The following CEP112 variants were observed in gnomAD, a reference collection of about 807,000 sequenced individuals.
CEP112 encodes the protein centrosomal protein of 112 kDa.
A neutral mutation model predicts 153.0 loss-of-function variants in CEP112; 127 were observed. The ratio of observed to expected loss-of-function variants is 0.83; its 90% CI spans 0.72 to 0.96. The LOEUF (loss-of-function observed/expected upper bound fraction) is 0.96. Among genes scored for constraint, CEP112 ranks in the 40% least tolerant of loss-of-function variants. The probability of loss-of-function intolerance (pLI) is 0.00; values close to 1 mark genes in which losing one functional copy is unlikely to be tolerated. For missense variants in CEP112, 1,089 were observed against 1,101.2 expected (o/e 0.99, Z 0.16); for synonymous variants, 358 against 374.4 (o/e 0.96, Z 0.51).
At chr17:66,156,604 C>T (rs1436738669) in intron 4 of CEP112, among the ~76,000 whole-genome samples, 1 of 152,076 alleles carries the variant, frequency 6.6e-6, no homozygotes, top group African/African-American at 2.4e-5. Context: ...GGAGCATGTT[C>T]TAACCCAATG....
At chr17:65,667,323 C>A (rs1005475417) in intron 24 of CEP112, among the ~76,000 whole-genome samples, 1 of 152,084 alleles carries the variant, frequency 6.6e-6, no homozygotes, top group African/African-American at 2.4e-5. Context: ...GTTGAACAAG[C>A]TTGGGAGAAT....
chr17:66,145,734 G>A (rs1442078556), intron 4 of CEP112, among the ~76,000 whole-genome samples: 1 of 151,954 alleles, frequency 6.6e-6, no homozygotes, highest in Non-Finnish European at 1.5e-5. Flanking sequence ...TTGATTTTAA[G>A]CCTAAAAATC....
intron 17 of CEP112, among the ~76,000 whole-genome samples, chr17:65,972,663 A>C (rs905929800): frequency 1.3e-5 from 2 of 152,252 alleles, no homozygotes; most frequent in African/African-American, 4.8e-5. Context: ...GAAACAATAC[A>C]AATTATCAAT....
chr17:66,121,649 T>C (rs1336562885), intron 6 of CEP112, among the ~76,000 whole-genome samples: 2 of 152,088 alleles, frequency 1.3e-5, no homozygotes, highest in Non-Finnish European at 2.9e-5. Flanking sequence ...CTATGGTGAA[T>C]TTTTCACTTC....
chr17:65,754,602 C>T (rs1479762922), intron 21 of CEP112, among the ~76,000 whole-genome samples: 3 of 147,264 alleles, frequency 2.0e-5, no homozygotes, highest in Non-Finnish European at 4.4e-5. Context: ...AAGCTTCTGT[C>T]GCAAAAAATA....
chr17:66,076,777 A>G (rs936877378), intron 8 of CEP112, among the ~76,000 whole-genome samples: 2 of 152,204 alleles, frequency 1.3e-5, no homozygotes, highest in African/African-American at 4.8e-5. Context: ...GTAAACCACT[A>G]AAGCTAAGAA....
chr17:66,096,683 T>C (rs755762713), intron 6 of CEP112, 51 bp from the exon 7 acceptor site: 2 of 1,148,602 alleles, frequency 1.7e-6, no homozygotes, highest in Non-Finnish European at 2.5e-6. Context: ...TTTGGAGTTT[T>C]AATTATTATT....
At chr17:65,842,877 C>A (rs2057574760) in intron 21 of CEP112, among the ~76,000 whole-genome samples, 1 of 151,794 alleles carries the variant, frequency 6.6e-6, no homozygotes, top group African/African-American at 2.4e-5. Context: ...TTTAATTATG[C>A]CAATAATTAT....
chr17:65,789,105 T>C (rs899146721), intron 21 of CEP112, among the ~76,000 whole-genome samples: 5 of 152,206 alleles, frequency 3.3e-5, no homozygotes, highest in African/African-American at 9.6e-5. Context: ...CTCTGTGATG[T>C]CCCAAAGGCA....
chr17:66,079,217 A>C (rs1413217785), intron 8 of CEP112, among the ~76,000 whole-genome samples: 3 of 152,190 alleles, frequency 2.0e-5, no homozygotes, highest in African/African-American at 7.2e-5. Flanking sequence ...AAATGGGTGG[A>C]TCACCTGAGG....
At chr17:66,033,986 GA>G (rs2145762164) in intron 12 of CEP112, among the ~76,000 whole-genome samples, 1 of 152,130 alleles carries the variant, frequency 6.6e-6, no homozygotes, top group South Asian at 2.1e-4. Flanking sequence ...ATATTCACAG[GA>G]TGTGAGACCC....
At chr17:65,836,877 C>G (rs1203506642) in intron 21 of CEP112, among the ~76,000 whole-genome samples, 4 of 151,680 alleles carry the variant, frequency 2.6e-5, no homozygotes, top group African/African-American at 4.9e-5. Flanking sequence ...GTACTGCCGC[C>G]ATCTCGGCTC....
rs550538357 is a variant in CEP112 at position 65,910,146 on chromosome 17, G to A, written c.1981-7812C>T. ...CATTAATAAATTGTTAAAAGACAGA[G>A]CCAGTATCAGTTTCTCTGACAGAAG... On this transcript the variant is annotated intron_variant, in intron 19 of 26. Transcript: ENST00000535342. Among the ~76,000 whole-genome samples the A allele has an allele frequency of 5.3e-5, 8 of 152,222 alleles. 1 individual carries two copies. The highest frequency in any genetic ancestry group is 4.6e-4 in the Admixed American group (7 of 15,298).
chr17:65,881,887 G>A (rs567407733), intron 20 of CEP112, among the ~76,000 whole-genome samples: 4 of 152,308 alleles, frequency 2.6e-5, no homozygotes, highest in Admixed American at 2.6e-4. Flanking sequence ...AATTAAAACT[G>A]TGTAGGAATA....
chr17:65,661,639 G>A (rs1004060955), intron 24 of CEP112: 3 of 152,160 alleles, frequency 2.0e-5, no homozygotes, highest in Non-Finnish European at 2.9e-5. Flanking sequence ...GGAGATCAAC[G>A]TTATTTCAAA....
chr17:66,119,439 T>C (rs2069465738), intron 6 of CEP112, among the ~76,000 whole-genome samples: 1 of 152,208 alleles, frequency 6.6e-6, no homozygotes, highest in Non-Finnish European at 1.5e-5. Flanking sequence ...TTCTTATAGT[T>C]TTACCATTTC....
At chr17:66,052,870 G>T (rs1485459720) in intron 12 of CEP112, among the ~76,000 whole-genome samples, 1 of 152,208 alleles carries the variant, frequency 6.6e-6, no homozygotes, top group Non-Finnish European at 1.5e-5. Flanking sequence ...ACTTTGGGAG[G>T]CCAACGCGGG....
chr17:66,040,339 G>T (rs2065915146), intron 12 of CEP112, among the ~76,000 whole-genome samples: 1 of 151,900 alleles, frequency 6.6e-6, no homozygotes, highest in South Asian at 2.1e-4. Context: ...CATCTGAATA[G>T]CTTCTTTTGT....
intron 23 of CEP112, among the ~76,000 whole-genome samples, chr17:65,742,071 C>G (rs191055072): frequency 1.9e-4 from 29 of 151,532 alleles, no homozygotes; most frequent in African/African-American, 7.0e-4. Flanking sequence ...TTTTATCCAT[C>G]TGTTAAGGCT....
Sources: gnomAD v4.1 joint callset for allele counts (sites outside exome capture counted in the v4.1 genomes callset) on GRCh38, gnomAD v4.1.1 for gene constraint, MANE v1.5 for transcripts, NCBI Gene and HGNC (gene_info 2026-07-23, HGNC 2026-07-21) for gene names.